The following DGKK variants were observed in gnomAD, a reference collection of about 807,000 sequenced individuals.
DGKK encodes 142 kDa diacylglycerol kinase.
DGKK carries 35 observed loss-of-function variants against 92.2 expected under a neutral mutation model. The observed-to-expected ratio is 0.38, with a 90% CI of 0.29 to 0.50. DGKK has a LOEUF of 0.50. DGKK is among the 20% of genes least tolerant of loss of function. The probability of loss-of-function intolerance (pLI) is 0.92; values close to 1 mark genes in which losing one functional copy is unlikely to be tolerated. For missense variants in DGKK, 910 were observed against 992.2 expected, an observed-to-expected ratio of 0.92 and a Z score of 1.11; for synonymous variants, 368 against 360.6, an observed-to-expected ratio of 1.02 and a Z score of -0.23.
intron 4 of DGKK, among the ~76,000 whole-genome samples, chrX:50,409,318 C>CA (rs112423212): frequency 0.03 from 2,418 of 79,414 alleles, 38 homozygotes; most frequent in African/African-American, 0.061. Flanking sequence ...AGGAAGAAGC[C>CA]AAAAAAAAAA....
intron 1 of DGKK, among the ~76,000 whole-genome samples, chrX:50,428,249 TCTCGCAGA>T (rs1925797445): frequency 9.0e-6 from 1 of 110,626 alleles, no homozygotes; most frequent in Non-Finnish European, 1.9e-5. Context: ...CTAGAATTAC[TCTCGCAGA>T]TACTATGGCT....
Position 50,375,052 on chromosome X carries a change from T to C in DGKK, c.3420A>G (p.Leu1140=). 8.3e-7 allele frequency: 1 copy of C among 1,201,353 alleles called. No homozygotes were observed. The highest frequency in any genetic ancestry group is 1.1e-6 in the Non-Finnish European group (1 of 887,668). Residue 1140 remains leucine, a synonymous_variant, in exon 25 of 28, where the codon CTA becomes CTG. Transcript: ENST00000611977. ...TAACATCTACGGCATCATTTCTGCT[T>C]AGAGTCTGAGAGGAAAAGAACGGAA... ...GAASCIPIET[L]SRNDAVDVTF...
chrX:50,431,663 G>A (rs1265406295), intron 1 of DGKK, among the ~76,000 whole-genome samples: 3 of 111,245 alleles, frequency 2.7e-5, no homozygotes, highest in Non-Finnish European at 5.7e-5. Flanking sequence ...GGGTTAGAGT[G>A]CTGGGAAGAA....
intron 1 of DGKK, among the ~76,000 whole-genome samples, chrX:50,467,051 A>G (rs1000627514): frequency 8.9e-6 from 1 of 111,962 alleles, no homozygotes; most frequent in Non-Finnish European, 1.9e-5. Context: ...TCTTTCTTCA[A>G]GCACAGCTGA....
intron 11 of DGKK, among the ~76,000 whole-genome samples, chrX:50,391,099 T>TTTG (rs1386753252): frequency 2.7e-5 from 3 of 111,386 alleles, no homozygotes; most frequent in East Asian, 2.8e-4. Context: ...TTTTGGTGTT[T>TTTG]TTGTTGTTGT....
At chrX:50,457,878 C>CA (rs1356725994) in intron 1 of DGKK, among the ~76,000 whole-genome samples, 1 of 111,704 alleles carries the variant, frequency 9.0e-6, no homozygotes, top group Non-Finnish European at 1.9e-5. Context: ...TAAGCAAAGA[C>CA]AGTGTGCATT....
chrX:50,447,371 A>ATATATATATAT (rs1926364081), intron 1 of DGKK, among the ~76,000 whole-genome samples: 2 of 13,781 alleles, frequency 1.5e-4, no homozygotes, highest in Non-Finnish European at 1.9e-4. Context: ...TATATATATT[A>ATATATATATAT]TATATATATA....
At chrX:50,415,668 C>T (rs1364328308) in intron 4 of DGKK, among the ~76,000 whole-genome samples, 4 of 111,796 alleles carry the variant, frequency 3.6e-5, no homozygotes, top group East Asian at 2.8e-4. Flanking sequence ...GCCAGGTTTT[C>T]GACTTGCCTG....
At chrX:50,371,037 G>T (rs1924110337) in intron 26 of DGKK, among the ~76,000 whole-genome samples, 1 of 112,614 alleles carries the variant, frequency 8.9e-6, no homozygotes, top group Non-Finnish European at 1.9e-5. Context: ...TTGCCTGCCA[G>T]GCCAGCTGCT....
chrX:50,433,078 A>G (rs1177053398), intron 1 of DGKK, among the ~76,000 whole-genome samples: 4 of 111,954 alleles, frequency 3.6e-5, no homozygotes, highest in Admixed American at 9.5e-5. Context: ...TATAGGTTTG[A>G]ATGCTGGCTT....
In DGKK at chrX:50,391,423, T is replaced by C. The variant is rs1312355455; in HGVS notation, c.1844+14A>G. 1.2e-5 allele frequency: 15 copies of C among 1,207,827 alleles called. No homozygotes were observed. Among genetic ancestry groups the C allele is most frequent in the Admixed American group, 6.6e-5 (3 of 45,620 alleles). On this transcript the variant is annotated intron_variant, in intron 11 of 27. Coordinates refer to ENST00000611977, the MANE Select transcript of DGKK (RefSeq NM_001013742.4). ...CAGGAAGAGGCACAAGGGCCTGGTC[T>C]TTCAGCCACTTACCTGTCTAGGATC...
intron 1 of DGKK, among the ~76,000 whole-genome samples, chrX:50,468,205 T>G (rs1926959490): frequency 8.9e-6 from 1 of 112,212 alleles, no homozygotes; most frequent in African/African-American, 3.2e-5. Context: ...CAGGGGATGC[T>G]TTTCACTGGG....
At chrX:50,458,220 G>A (rs1411430854) in intron 1 of DGKK, among the ~76,000 whole-genome samples, 5 of 110,603 alleles carry the variant, frequency 4.5e-5, no homozygotes, top group South Asian at 3.9e-4. Flanking sequence ...AATACTGCAT[G>A]TTTTATGTTA....
intron 8 of DGKK, among the ~76,000 whole-genome samples, chrX:50,399,957 G>A (rs1490244818): frequency 8.9e-6 from 1 of 111,859 alleles, no homozygotes; most frequent in Non-Finnish European, 1.9e-5. Flanking sequence ...CTTTTTATTA[G>A]GCTAGGAGAC....
At position 50,371,834 on chromosome X, in the gene DGKK, G is replaced by A. The variant is rs782070555; in HGVS notation, c.3502C>T (p.Leu1168=). 2 of 1,164,541 alleles carry A rather than the reference G, an allele frequency of 1.7e-6. No homozygotes were observed. Among genetic ancestry groups the A allele is most frequent in the Non-Finnish European group, 2.3e-6 (2 of 857,276 alleles). ...GCAGTCTCATCCTCAGCACTTCTCA[G>A]CTGGTACAGACAGGAAAAAGAGTAA... ...DTTAFLDEKL[L]RSAEDETALQ... Residue 1168 remains leucine (L), a splice_region_variant and synonymous_variant, in exon 26 of 28, where the codon CTG becomes TTG. Coordinates refer to ENST00000611977, the MANE Select transcript of DGKK (RefSeq NM_001013742.4).
At chrX:50,417,739 C>T (rs1925472370) in intron 4 of DGKK, among the ~76,000 whole-genome samples, 1 of 110,755 alleles carries the variant, frequency 9.0e-6, no homozygotes, top group African/African-American at 3.3e-5. Flanking sequence ...CTTCTCTGAA[C>T]TTCTGGCCTC....
At chrX:50,468,186 G>A (rs1053620689) in intron 1 of DGKK, among the ~76,000 whole-genome samples, 1 of 112,019 alleles carries the variant, frequency 8.9e-6, no homozygotes, top group Non-Finnish European at 1.9e-5. Context: ...AGATGCTTTC[G>A]CATGGGAGCA....
At chrX:50,386,711 A>T in intron 14 of DGKK, 125 bp from the exon 15 acceptor site, 1 of 525,412 alleles carries the variant, frequency 1.9e-6, no homozygotes. Context: ...AATGCTGAGC[A>T]TAGAAAACCA....
At chrX:50,399,168 C>G (rs186222275) in intron 8 of DGKK, among the ~76,000 whole-genome samples, 2 of 111,925 alleles carry the variant, frequency 1.8e-5, no homozygotes, top group Admixed American at 1.9e-4. Flanking sequence ...ATGAATGGCT[C>G]ATTCCATGTA....
Sources: gnomAD v4.1 joint callset for allele counts (sites outside exome capture counted in the v4.1 genomes callset) on GRCh38, gnomAD v4.1.1 for gene constraint, MANE v1.5 for transcripts, NCBI Gene and HGNC (gene_info 2026-07-23, HGNC 2026-07-21) for gene names.